Variants in PAK2 observed in about 807,000 individuals in gnomAD.
PAK2 encodes the protein p21 (RAC1) activated kinase 2, also known as serine/threonine-protein kinase PAK 2.
PAK2 carries 21 observed loss-of-function variants against 65.9 expected under a neutral mutation model. That is an observed-to-expected ratio of 0.32 (90% confidence interval 0.23 to 0.46). The LOEUF (loss-of-function observed/expected upper bound fraction) is 0.46. Among genes scored for constraint, PAK2 ranks in the 20% least tolerant of loss-of-function variants. The pLI is 1.00. For synonymous variants in PAK2, 204 were observed against 219.7 expected, an observed-to-expected ratio of 0.93 and a Z score of 0.63; for missense variants, 324 against 642.6, an observed-to-expected ratio of 0.50 and a Z score of 5.36.
intron 1 of PAK2, among the ~76,000 whole-genome samples, chr3:196,740,761 T>A (rs1474591149): frequency 1.3e-5 from 2 of 152,208 alleles, no homozygotes; most frequent in Admixed American, 1.3e-4. Context: ...CTCGCTCCTG[T>A]TTGAGCTTCA....
At chr3:196,777,716 C>T (rs940909885) in intron 1 of PAK2, among the ~76,000 whole-genome samples, 1 of 152,192 alleles carries the variant, frequency 6.6e-6, no homozygotes, top group Middle Eastern at 3.2e-3. Context: ...TAACTTAAAA[C>T]AAGTACGTGT....
chr3:196,769,700 C>A (rs951271528), intron 1 of PAK2, among the ~76,000 whole-genome samples: 2 of 151,614 alleles, frequency 1.3e-5, no homozygotes, highest in Admixed American at 6.6e-5. Flanking sequence ...GCCTGCAGTT[C>A]CAGCTACTGG....
At chr3:196,786,812 C>G (rs2108744553) in intron 2 of PAK2, among the ~76,000 whole-genome samples, 1 of 150,870 alleles carries the variant, frequency 6.6e-6, no homozygotes, top group South Asian at 2.1e-4. Context: ...GTCTTGATTA[C>G]TATATCTTAC....
intron 1 of PAK2, among the ~76,000 whole-genome samples, chr3:196,777,380 T>G (rs960422551): frequency 2.6e-5 from 4 of 152,046 alleles, no homozygotes; most frequent in Non-Finnish European, 5.9e-5. Flanking sequence ...ATTTTTAAAT[T>G]TTTAGTATAG....
chr3:196,768,568 C>T (rs2108727800), intron 1 of PAK2, among the ~76,000 whole-genome samples: 1 of 152,036 alleles, frequency 6.6e-6, no homozygotes, highest in East Asian at 1.9e-4. Flanking sequence ...AGTGCAGTGG[C>T]AACCCCAACC....
intron 1 of PAK2, among the ~76,000 whole-genome samples, chr3:196,773,502 G>A (rs988503460): frequency 1.3e-5 from 2 of 152,154 alleles, no homozygotes; most frequent in Non-Finnish European, 2.9e-5. Flanking sequence ...AATCAGCTGT[G>A]AGGGGAAAAG....
intron 1 of PAK2, among the ~76,000 whole-genome samples, chr3:196,777,534 G>A (rs1577714954): frequency 6.6e-6 from 1 of 152,254 alleles, no homozygotes; most frequent in Non-Finnish European, 1.5e-5. Context: ...CATACAGTAA[G>A]TATATATAAA....
chr3:196,815,070 C>T (rs1306951900), intron 11 of PAK2, among the ~76,000 whole-genome samples: 1 of 151,974 alleles, frequency 6.6e-6, no homozygotes, highest in African/African-American at 2.4e-5. Flanking sequence ...GTCCCAGCTA[C>T]TCAGGAGGCT....
intron 7 of PAK2, among the ~76,000 whole-genome samples, chr3:196,808,711 A>G (rs1222647311): frequency 6.6e-6 from 1 of 151,288 alleles, no homozygotes; most frequent in Non-Finnish European, 1.5e-5. Context: ...AAAAACAAAA[A>G]TTAGCAAGGT....
At chr3:196,763,480 G>C (rs942004773) in intron 1 of PAK2, among the ~76,000 whole-genome samples, 2 of 152,194 alleles carry the variant, frequency 1.3e-5, no homozygotes, top group East Asian at 3.9e-4. Flanking sequence ...ATGCTTGAAG[G>C]CCTCAGATCC....
chr3:196,816,220 A>G (rs1716024523), intron 11 of PAK2, among the ~76,000 whole-genome samples: 1 of 152,198 alleles, frequency 6.6e-6, no homozygotes, highest in South Asian at 2.1e-4. Flanking sequence ...AACTTTGTTC[A>G]TGTAAGGATG....
chr3:196,777,190 A>G (rs1714562725), intron 1 of PAK2, among the ~76,000 whole-genome samples: 1 of 152,106 alleles, frequency 6.6e-6, no homozygotes, highest in Admixed American at 6.6e-5. Context: ...TATTTAAACA[A>G]CTTGGTTTTT....
chr3:196,821,084 A>C (rs551419336), intron 13 of PAK2, among the ~76,000 whole-genome samples: 2 of 151,904 alleles, frequency 1.3e-5, no homozygotes, highest in South Asian at 4.2e-4. Flanking sequence ...CAGTTGATCC[A>C]CTCGCCTCGG....
intron 8 of PAK2, among the ~76,000 whole-genome samples, chr3:196,811,462 A>C (rs1386706351): frequency 3.2e-5 from 4 of 125,246 alleles, no homozygotes; most frequent in Admixed American, 2.7e-4. Flanking sequence ...GCTCACTGCA[A>C]CCTCTGCCTC....
rs540044381 is a variant in PAK2, at chr3:196,806,606, G to A, written c.496G>A (p.Ala166Thr). ...ALNAKGTEAP[A>T]VVTEEEDDDE... is the part of the protein sequence containing the mutation. ...GAATGCCAAGGGAACAGAAGCACCC[G>A]CAGTAGTGACAGAGGAGGAGGATGA... Residue 166 changes from alanine to threonine, a missense_variant, in exon 6 of 15, where the codon GCA (alanine) becomes ACA (threonine). Ala to Thr is a moderately conservative substitution (Grantham distance 58, BLOSUM62 0). Transcript: ENST00000327134. 276 of 1,612,244 alleles carry A rather than the reference G, an allele frequency of 1.7e-4. 1 individual carries two copies. In the South Asian group the frequency reaches 2.7e-3, roughly 16 times the overall value.
chr3:196,781,694 G>A lies in PAK2; in HGVS notation c.-21-932G>A, dbSNP rs143417267. Among the ~76,000 whole-genome samples, 379 of 152,356 alleles carry A rather than the reference G, an allele frequency of 2.5e-3. 6 individuals carry two copies. The highest frequency in any genetic ancestry group is 8.8e-3 in the African/African-American group (367 of 41,586). On this transcript the variant is annotated intron_variant, in intron 1 of 14. Transcript: ENST00000327134. ...TTGTTTCAAGATTCCTTGGCCAGGC[G>A]TGGGGGCTCACGCCTATAATCTCAG...
intron 6 of PAK2, among the ~76,000 whole-genome samples, chr3:196,807,073 C>T (rs1715609005): frequency 2.0e-5 from 3 of 152,150 alleles, no homozygotes; most frequent in South Asian, 4.1e-4. Context: ...CTACTCTCAG[C>T]GCCTTGCTGT....
At chr3:196,764,103 G>A (rs1259933767) in intron 1 of PAK2, among the ~76,000 whole-genome samples, 1 of 151,930 alleles carries the variant, frequency 6.6e-6, no homozygotes, top group East Asian at 1.9e-4. Flanking sequence ...CGCCCGGCCT[G>A]CTGCTGCTTT....
intron 1 of PAK2, among the ~76,000 whole-genome samples, chr3:196,740,593 T>TC (rs1713157305): frequency 6.6e-6 from 1 of 152,184 alleles, no homozygotes; most frequent in Non-Finnish European, 1.5e-5. Flanking sequence ...CGCTCTCTGT[T>TC]CACCCGTTTC....
Sources: gnomAD v4.1 joint callset for allele counts (sites outside exome capture counted in the v4.1 genomes callset) on GRCh38, gnomAD v4.1.1 for gene constraint, MANE v1.5 for transcripts, NCBI Gene and HGNC (gene_info 2026-07-23, HGNC 2026-07-21) for gene names.